Variants in PTPRD observed in about 807,000 individuals in gnomAD.
PTPRD encodes protein tyrosine phosphatase receptor type D.
Under a neutral mutation model 214.5 loss-of-function variants are expected in PTPRD, and 34 were observed. That is an observed-to-expected ratio of 0.16 (90% CI 0.12 to 0.21). The LOEUF (loss-of-function observed/expected upper bound fraction) is 0.21, where lower values mean the gene tolerates loss of function less well. Among genes scored for constraint, PTPRD ranks in the 10% least tolerant of loss-of-function variants. The pLI is 1.00. For missense variants in PTPRD, 2,545 were observed against 2,398.7 expected, an observed-to-expected ratio of 1.06 and a Z score of -1.27; for synonymous variants, 1,128 against 845.7, an observed-to-expected ratio of 1.33 and a Z score of -5.79.
intron 12 of PTPRD, among the ~76,000 whole-genome samples, chr9:8,637,357 T>C (rs1479554308): frequency 3.3e-5 from 5 of 152,096 alleles, no homozygotes; most frequent in Non-Finnish European, 7.4e-5. Context: ...TCGCAAGAAA[T>C]AGAAATAGGG....
chr9:10,111,346 C>T, intron 3 of PTPRD, among the ~76,000 whole-genome samples: 1 of 139,204 alleles, frequency 7.2e-6, no homozygotes, highest in East Asian at 2.2e-4. Context: ...TCATGCCATT[C>T]TCCTGCCTCA....
intron 11 of PTPRD, among the ~76,000 whole-genome samples, chr9:8,814,271 G>A (rs148931558): frequency 6.6e-6 from 1 of 152,108 alleles, no homozygotes; most frequent in Non-Finnish European, 1.5e-5. Flanking sequence ...CTGCATATAT[G>A]GTAATTTCAT....
At chr9:8,634,312 T>A (rs1296573366) in intron 13 of PTPRD, among the ~76,000 whole-genome samples, 1 of 152,030 alleles carries the variant, frequency 6.6e-6, no homozygotes, top group Non-Finnish European at 1.5e-5. Flanking sequence ...TTTCTGTAAC[T>A]ATGCTGCATT....
At chr9:8,472,142 TG>T (rs2096664957) in intron 30 of PTPRD, among the ~76,000 whole-genome samples, 1 of 152,080 alleles carries the variant, frequency 6.6e-6, no homozygotes, top group African/African-American at 2.4e-5. Flanking sequence ...CAGATAGTAA[TG>T]GGACGCAAAG....
At chr9:8,759,015 G>C (rs1444326574) in intron 11 of PTPRD, among the ~76,000 whole-genome samples, 1 of 150,218 alleles carries the variant, frequency 6.7e-6, no homozygotes, top group East Asian at 2.0e-4. Context: ...GCTCACAAAG[G>C]TGTTCTTTGG....
chr9:9,276,491 T>C (rs1945698256), intron 9 of PTPRD, among the ~76,000 whole-genome samples: 2 of 151,280 alleles, frequency 1.3e-5, no homozygotes. Flanking sequence ...ATGGAAATTC[T>C]AGATCAATTG....
intron 8 of PTPRD, among the ~76,000 whole-genome samples, chr9:9,570,904 C>A (rs2086176464): frequency 6.6e-6 from 1 of 151,292 alleles, no homozygotes; most frequent in Admixed American, 6.6e-5. Flanking sequence ...AATTTATAAA[C>A]CCCAACATTT....
At chr9:9,773,695 T>C (rs2098772574) in intron 5 of PTPRD, among the ~76,000 whole-genome samples, 1 of 152,156 alleles carries the variant, frequency 6.6e-6, no homozygotes, top group South Asian at 2.1e-4. Flanking sequence ...AAAGAAAGCA[T>C]TGTAAAAGGC....
chr9:9,127,406 G>A (rs1313253934), intron 10 of PTPRD, among the ~76,000 whole-genome samples: 1 of 152,212 alleles, frequency 6.6e-6, no homozygotes, highest in African/African-American at 2.4e-5. Flanking sequence ...GGTGGACAGT[G>A]TAAGTATGAA....
At chr9:9,664,148 C>A (rs546388053) in intron 7 of PTPRD, among the ~76,000 whole-genome samples, 40 of 145,374 alleles carry the variant, frequency 2.8e-4, no homozygotes, top group African/African-American at 9.8e-4. Context: ...ATGAGTTACA[C>A]GTAAAGAGTC....
chr9:9,654,384 T>C (rs1457980621), intron 7 of PTPRD, among the ~76,000 whole-genome samples: 1 of 152,124 alleles, frequency 6.6e-6, no homozygotes, highest in East Asian at 1.9e-4. Flanking sequence ...TTTATACACA[T>C]GTCTAAGTAT....
intron 2 of PTPRD, among the ~76,000 whole-genome samples, chr9:10,521,290 G>T (rs1187855093): frequency 6.6e-6 from 1 of 152,094 alleles, no homozygotes; most frequent in Non-Finnish European, 1.5e-5. Flanking sequence ...AACAGCAAAA[G>T]AACTAGAATT....
chr9:8,384,125 T>C (rs1275072057), intron 37 of PTPRD, among the ~76,000 whole-genome samples: 1 of 152,184 alleles, frequency 6.6e-6, no homozygotes, highest in African/African-American at 2.4e-5. Flanking sequence ...ATGCCAATTC[T>C]GCAAGCAAGG....
chr9:10,117,062 C>T (rs892469611), intron 3 of PTPRD, among the ~76,000 whole-genome samples: 4 of 152,048 alleles, frequency 2.6e-5, no homozygotes, highest in African/African-American at 7.2e-5. Context: ...TACATCTACC[C>T]GCTCGTAGAA....
chr9:9,314,735 C>T (rs935863289), intron 9 of PTPRD, among the ~76,000 whole-genome samples: 11 of 152,070 alleles, frequency 7.2e-5, no homozygotes, highest in African/African-American at 2.6e-4. Flanking sequence ...GAGCCAGTGT[C>T]GAAATGAATG....
At chr9:9,043,087 A>C (rs538178655) in intron 10 of PTPRD, among the ~76,000 whole-genome samples, 10 of 152,232 alleles carry the variant, frequency 6.6e-5, no homozygotes, top group Admixed American at 3.3e-4. Flanking sequence ...ACTCCCAATA[A>C]ATTTACAACA....
At chr9:9,816,584 T>C (rs979116458) in intron 5 of PTPRD, among the ~76,000 whole-genome samples, 2 of 152,036 alleles carry the variant, frequency 1.3e-5, no homozygotes, top group Non-Finnish European at 2.9e-5. Context: ...TACTTTCCTG[T>C]TAACATATTT....
intron 9 of PTPRD, among the ~76,000 whole-genome samples, chr9:9,275,055 GTATATATATAT>G (rs1944450165): frequency 1.4e-5 from 1 of 69,090 alleles, no homozygotes; most frequent in African/African-American, 5.8e-5. Context: ...ATATATATAT[GTATATATATAT>G]TATATATATA....
chr9:9,711,473 A>T (rs1248379975), intron 7 of PTPRD, among the ~76,000 whole-genome samples: 1 of 152,196 alleles, frequency 6.6e-6, no homozygotes, highest in Admixed American at 6.6e-5. Context: ...AAAACAGGCT[A>T]AAATAAAATT....
Sources: allele counts gnomAD v4.1 joint callset (sites outside exome capture counted in the v4.1 genomes callset), GRCh38; gene constraint gnomAD v4.1.1; transcripts MANE v1.5; gene names NCBI Gene and HGNC (gene_info 2026-07-23, HGNC 2026-07-21).